Variants in DMD observed in about 807,000 individuals in gnomAD.
The protein encoded by DMD is dystrophin.
DMD carries 63 observed loss-of-function variants against 330.1 expected under a neutral mutation model. The observed-to-expected ratio is 0.19, with a 90% CI of 0.16 to 0.24. The LOEUF (loss-of-function observed/expected upper bound fraction) is 0.24, where lower values mean the gene tolerates loss of function less well. DMD is among the 10% of genes least tolerant of loss of function. DMD has a pLI of 1.00. For synonymous variants in DMD, 1,223 were observed against 959.8 expected, an observed-to-expected ratio of 1.27 and a Z score of -5.07; for missense variants, 3,344 against 2,684.1, an observed-to-expected ratio of 1.25 and a Z score of -5.43.
At chrX:32,866,673 A>G in intron 2 of DMD, among the ~76,000 whole-genome samples, 1 of 93,417 alleles carries the variant, frequency 1.1e-5, no homozygotes, top group Non-Finnish European at 2.0e-5. Context: ...TTTCATAGAA[A>G]TTTTTTAAAT....
rs2082881206 is a variant in DMD, at chrX:32,870,681, T to C, written c.94-20861A>G. Among the ~76,000 whole-genome samples, 3 of 110,639 alleles carry C rather than the reference T, an allele frequency of 2.7e-5. No individual in the cohort carries two copies. In the Admixed American group the frequency reaches 2.9e-4, roughly 11 times the overall value. Reference sequence around the variant, plus strand: ...CAAAAACAAGCAATGGGGAAAGGATTCCCTATTTAATAAATGGTGCTGGGA... The same window carrying C: ...CAAAAACAAGCAATGGGGAAAGGATCCCCTATTTAATAAATGGTGCTGGGA... On this transcript the variant is annotated intron_variant, in intron 2 of 78. Transcript: ENST00000357033.
chrX:31,154,227 C>T (rs2037805980), intron 74 of DMD, among the ~76,000 whole-genome samples: 2 of 111,682 alleles, frequency 1.8e-5, no homozygotes, highest in Non-Finnish European at 3.8e-5. Flanking sequence ...AGATCATTCT[C>T]ATAAATGATC....
At chrX:32,079,129 A>T (rs1230003365) in intron 44 of DMD, among the ~76,000 whole-genome samples, 2 of 112,009 alleles carry the variant, frequency 1.8e-5, no homozygotes, top group Non-Finnish European at 3.8e-5. Flanking sequence ...TGAATATTTT[A>T]ATAAACTTCT....
At chrX:33,305,580 TA>T (rs1027331245) in intron 1 of DMD, among the ~76,000 whole-genome samples, 1 of 87,040 alleles carries the variant, frequency 1.1e-5, no homozygotes, top group Admixed American at 1.3e-4. Context: ...TAATAAAATT[TA>T]AAAAAAATGC....
At chrX:32,929,513 T>C (rs1175959508) in intron 2 of DMD, among the ~76,000 whole-genome samples, 1 of 110,939 alleles carries the variant, frequency 9.0e-6, no homozygotes, top group Middle Eastern at 4.3e-3. Context: ...GTTCAACTAA[T>C]TGGCCATAGT....
In DMD at chrX:31,254,612, G is replaced by T. The variant is rs913090724; in HGVS notation, c.9286+6343C>A. On this transcript the variant is annotated intron_variant, in intron 63 of 78. Coordinates refer to ENST00000357033, the MANE Select transcript of DMD (RefSeq NM_004006.3). Reference sequence around the variant, plus strand: ...ACTCCTGAGCTCAAGTGAGCTGCTCGCCTCGGCCTCCAAAAGTGCTAGGAT... The same window carrying T: ...ACTCCTGAGCTCAAGTGAGCTGCTCTCCTCGGCCTCCAAAAGTGCTAGGAT... Among the ~76,000 whole-genome samples, 4 of 111,731 alleles carry T rather than the reference G, an allele frequency of 3.6e-5. No individual in the cohort carries two copies. In the South Asian group the frequency reaches 1.5e-3, roughly 42 times the overall value.
intron 12 of DMD, among the ~76,000 whole-genome samples, chrX:32,597,041 C>A (rs2055635991): frequency 8.9e-6 from 1 of 111,759 alleles, no homozygotes; most frequent in African/African-American, 3.3e-5. Context: ...TTCTCGCCCT[C>A]ACAGTGTTTC....
intron 60 of DMD, among the ~76,000 whole-genome samples, chrX:31,419,626 C>G (rs975571776): frequency 5.4e-5 from 6 of 111,879 alleles, no homozygotes; most frequent in African/African-American, 2.0e-4. Flanking sequence ...AGGGCAGGGA[C>G]CTTCTTCCTC....
chrX:32,914,153 A>C (rs2087565615), intron 2 of DMD, among the ~76,000 whole-genome samples: 2 of 111,847 alleles, frequency 1.8e-5, no homozygotes, highest in South Asian at 7.5e-4. Context: ...CCCATCAAGC[A>C]TCATTATCAA....
intron 1 of DMD, among the ~76,000 whole-genome samples, chrX:33,204,422 T>C (rs1291459782): frequency 8.9e-6 from 1 of 111,737 alleles, no homozygotes; most frequent in Non-Finnish European, 1.9e-5. Context: ...CTCCCTCTTT[T>C]CTTTTGGACA....
intron 1 of DMD, among the ~76,000 whole-genome samples, chrX:33,032,394 G>A (rs1249086551): frequency 8.9e-6 from 1 of 111,804 alleles, no homozygotes; most frequent in African/African-American, 3.3e-5. Flanking sequence ...GTTTTTTACA[G>A]AGCATTAGCC....
intron 52 of DMD, among the ~76,000 whole-genome samples, chrX:31,726,939 C>T (rs1268308676): frequency 3.6e-5 from 4 of 111,322 alleles, no homozygotes; most frequent in Non-Finnish European, 1.9e-5. Flanking sequence ...CTATTCAAAT[C>T]ACTGAATATT....
At position 32,503,625 on chromosome X, in the gene DMD, A is replaced by G. The variant is rs771927486; in HGVS notation, c.2293-1783T>C. On this transcript the variant is annotated intron_variant, in intron 18 of 78. Coordinates refer to ENST00000357033, the MANE Select transcript of DMD (RefSeq NM_004006.3). ...GGCTGGAGTGCAGTGGCATGATCTC[A>G]GCTCACTGCAACCTCTGCCTCCCGG... 1.5e-3 allele frequency among the ~76,000 whole-genome samples: 165 copies of G among 110,999 alleles called. 1 individual carries two copies. Among genetic ancestry groups the G allele is most frequent in the East Asian group, 6.0e-3 (21 of 3,480 alleles).
At chrX:31,788,194 T>C (rs1049535652) in intron 50 of DMD, among the ~76,000 whole-genome samples, 6 of 111,654 alleles carry the variant, frequency 5.4e-5, no homozygotes, top group African/African-American at 1.3e-4. Flanking sequence ...AAAGAGTGTA[T>C]GGAAAAGCTG....
At chrX:32,385,070 T>C (rs2097948807) in intron 33 of DMD, among the ~76,000 whole-genome samples, 1 of 110,962 alleles carries the variant, frequency 9.0e-6, no homozygotes, top group Non-Finnish European at 1.9e-5. Flanking sequence ...AATTTCATTT[T>C]GAACAACAAA....
chrX:32,464,557 A>T, intron 24 of DMD, 29 bp downstream of exon 24: 1 of 1,029,588 alleles, frequency 9.7e-7, no homozygotes, highest in Non-Finnish European at 1.4e-6. Context: ...AAAATTATTC[A>T]TATTAAAGGC....
At chrX:31,873,699 G>A (rs2093926755) in intron 48 of DMD, among the ~76,000 whole-genome samples, 1 of 111,638 alleles carries the variant, frequency 9.0e-6, no homozygotes, top group East Asian at 2.8e-4. Flanking sequence ...ATAAGGAGAC[G>A]CAAAACGGGG....
chrX:31,503,372 T>C (rs1389909688), intron 56 of DMD, among the ~76,000 whole-genome samples: 2 of 112,253 alleles, frequency 1.8e-5, no homozygotes, highest in Admixed American at 9.4e-5. Flanking sequence ...AATTGAAGTC[T>C]GAAGCAGTTA....
rs1409007153 is a variant in DMD at position 33,009,782 on chromosome X, ATGTGTATATG to A, written c.93+10347_93+10356del. Among the ~76,000 whole-genome samples, 40 of 23,462 alleles carry A rather than the reference ATGTGTATATG, an allele frequency of 1.7e-3. 3 individuals are homozygous for A. The highest frequency in any genetic ancestry group is 9.9e-3 in the Admixed American group (22 of 2,223). 20.4% of individuals were successfully genotyped at this position (23,462 alleles called of 115,157 possible). A position where few individuals can be genotyped will look rare whatever the true frequency, so the allele number is the denominator to read the frequency against. ...TGTGTATATGTGTATATACACACAT[ATGTGTATATG>A]TGTGTATATGTGTATATACACACAT... On this transcript the variant is annotated intron_variant, in intron 2 of 78. Coordinates refer to ENST00000357033, the MANE Select transcript of DMD (RefSeq NM_004006.3).
Sources: gnomAD v4.1 joint callset for allele counts (sites outside exome capture counted in the v4.1 genomes callset) on GRCh38, gnomAD v4.1.1 for gene constraint, MANE v1.5 for transcripts, NCBI Gene and HGNC (gene_info 2026-07-23, HGNC 2026-07-21) for gene names.